PACSIN2: variants seen among roughly 807,000 people sequenced by gnomAD.
The protein encoded by PACSIN2 is protein kinase C and casein kinase substrate in neurons protein 2.
A neutral mutation model predicts 63.8 loss-of-function variants in PACSIN2; 25 were observed. The observed-to-expected ratio is 0.39, with a 90% CI of 0.29 to 0.55. The LOEUF (loss-of-function observed/expected upper bound fraction) is 0.55. PACSIN2 is among the 20% of genes least tolerant of loss of function. PACSIN2 has a pLI of 0.62. For synonymous variants in PACSIN2, 255 were observed against 256.2 expected, an observed-to-expected ratio of 1.00 and a Z score of 0.05; for missense variants, 518 against 646.9, an observed-to-expected ratio of 0.80 and a Z score of 2.16.
chr22:42,945,961 C>T (rs1186886054), intron 1 of PACSIN2: 1 of 152,994 alleles, frequency 6.5e-6, no homozygotes, highest in Non-Finnish European at 1.5e-5. Flanking sequence ...CTCCTCCAGC[C>T]TCACCACTCA....
At chr22:43,004,708 G>T (rs1009295367) in intron 1 of PACSIN2, among the ~76,000 whole-genome samples, 11 of 152,194 alleles carry the variant, frequency 7.2e-5, no homozygotes, top group Non-Finnish European at 1.5e-4. Flanking sequence ...TTTACATTAA[G>T]AAGATTTCAT....
intron 4 of PACSIN2, among the ~76,000 whole-genome samples, chr22:42,889,041 T>C (rs887219515): frequency 1.3e-5 from 2 of 152,220 alleles, no homozygotes; most frequent in Non-Finnish European, 2.9e-5. Context: ...ACACAAGGTC[T>C]TTGTGAAGCT....
intron 2 of PACSIN2, among the ~76,000 whole-genome samples, chr22:42,898,184 G>A (rs1320820484): frequency 6.6e-6 from 1 of 152,136 alleles, no homozygotes. Flanking sequence ...AAGGTCGTGG[G>A]AATCCCTGGC....
At chr22:42,974,761 A>G (rs542448893) in intron 1 of PACSIN2, among the ~76,000 whole-genome samples, 41 of 151,482 alleles carry the variant, frequency 2.7e-4, no homozygotes, top group South Asian at 2.1e-3. Context: ...AAAAAAAAAA[A>G]AAAAGAAAAG....
chr22:42,907,512 G>A (rs557206272), intron 2 of PACSIN2, among the ~76,000 whole-genome samples: 7 of 152,358 alleles, frequency 4.6e-5, no homozygotes, highest in East Asian at 1.9e-4. Context: ...AAGCTGATGC[G>A]CACCCTGTCC....
In PACSIN2 at chr22:42,985,819, G is replaced by A. The variant is rs1601605147; in HGVS notation, c.-78+29202C>T. On this transcript the variant is annotated intron_variant, in intron 1 of 10. Coordinates refer to ENST00000263246, the MANE Select transcript of PACSIN2 (RefSeq NM_001184970.3). ...AACCCCTCCCCATGCAGGAATCACT[G>A]AGCAAAACCCAGGTTCTCCACAGTC... 2.0e-5 allele frequency among the ~76,000 whole-genome samples: 3 copies of A among 152,282 alleles called. No individual in the cohort carries two copies. The Middle Eastern group carries it at 0.01, about 518-fold the overall frequency.
intron 1 of PACSIN2, among the ~76,000 whole-genome samples, chr22:42,965,039 T>A (rs1045020187): frequency 6.6e-6 from 1 of 152,168 alleles, no homozygotes. Context: ...CACATCTCTA[T>A]AGAGGACATC....
At chr22:42,877,193 G>A (rs1020896268) in intron 8 of PACSIN2, among the ~76,000 whole-genome samples, 183 bp from the exon 9 acceptor site, 2 of 152,172 alleles carry the variant, frequency 1.3e-5, no homozygotes, top group Non-Finnish European at 2.9e-5. Context: ...TGTGAAACAC[G>A]GTCCAGGAGC....
rs535099597 is a variant in PACSIN2 at position 42,896,171 on chromosome 22, C to G, written c.61-2558G>C. Among the ~76,000 whole-genome samples the G allele has an allele frequency of 6.6e-5, 10 of 152,282 alleles. 1 individual carries two copies. The South Asian group carries it at 2.1e-3, about 32-fold the overall frequency. The stretch of plus-strand genomic sequence containing the variant: ...GAAGTGCCTTTGTGCCCCCTTGCAG[C>G]CCATCCCCTCCCCATACAGCCCCCA... On this transcript the variant is annotated intron_variant, in intron 2 of 10. Coordinates refer to ENST00000263246, the MANE Select transcript of PACSIN2 (RefSeq NM_001184970.3).
intron 1 of PACSIN2, among the ~76,000 whole-genome samples, chr22:42,984,513 T>G (rs1328559005): frequency 6.6e-6 from 1 of 152,030 alleles, no homozygotes; most frequent in Non-Finnish European, 1.5e-5. Flanking sequence ...GGAGATGAGG[T>G]GAAAACCCAC....
intron 1 of PACSIN2, among the ~76,000 whole-genome samples, chr22:42,978,015 C>T (rs74630180): frequency 0.029 from 4,405 of 152,268 alleles, 97 homozygotes; most frequent in African/African-American, 0.036. Context: ...AAGACTAGAG[C>T]AATTCAGTGT....
At chr22:42,914,349 C>T (rs1931669621) in intron 1 of PACSIN2, among the ~76,000 whole-genome samples, 1 of 152,244 alleles carries the variant, frequency 6.6e-6, no homozygotes. Flanking sequence ...TCTAGTGCCT[C>T]AGCCTCCCCA....
chr22:42,933,694 C>A (rs1359108802), intron 1 of PACSIN2, among the ~76,000 whole-genome samples: 1 of 152,216 alleles, frequency 6.6e-6, no homozygotes, highest in East Asian at 1.9e-4. Flanking sequence ...GCCCCCGCAC[C>A]CTGCACCGTC....
intron 1 of PACSIN2, among the ~76,000 whole-genome samples, chr22:42,994,440 T>C (rs1923261032): frequency 6.6e-6 from 1 of 152,026 alleles, no homozygotes; most frequent in Non-Finnish European, 1.5e-5. Flanking sequence ...CGGGCGTGCT[T>C]ATGGGGACAC....
intron 1 of PACSIN2, among the ~76,000 whole-genome samples, chr22:42,963,624 C>T (rs375987232): frequency 2.6e-5 from 4 of 152,152 alleles, no homozygotes; most frequent in African/African-American, 9.7e-5. Context: ...AAGATAGGTA[C>T]TCCTAGCCCT....
chr22:42,915,347 C>A (rs916561472), intron 1 of PACSIN2, among the ~76,000 whole-genome samples: 1 of 152,188 alleles, frequency 6.6e-6, no homozygotes, highest in African/African-American at 2.4e-5. Flanking sequence ...AAGGAGCAAC[C>A]AGCAAGGGGA....
intron 1 of PACSIN2, among the ~76,000 whole-genome samples, chr22:42,986,581 G>T (rs1208081362): frequency 1.3e-5 from 2 of 152,142 alleles, no homozygotes; most frequent in African/African-American, 4.8e-5. Flanking sequence ...ATGCATGACA[G>T]TGACACTCTA....
chr22:42,914,276 G>C (rs189608918), intron 1 of PACSIN2, among the ~76,000 whole-genome samples: 1 of 152,074 alleles, frequency 6.6e-6, no homozygotes. Flanking sequence ...TCTGTTGCCC[G>C]GGCTGGAGTG....
intron 1 of PACSIN2, among the ~76,000 whole-genome samples, chr22:42,975,453 T>C (rs1921623591): frequency 7.8e-6 from 1 of 127,486 alleles, no homozygotes; most frequent in South Asian, 2.6e-4. Context: ...AAAAAATATA[T>C]ACAAATATAT....
Sources: allele counts gnomAD v4.1 joint callset (sites outside exome capture counted in the v4.1 genomes callset), GRCh38; gene constraint gnomAD v4.1.1; transcripts MANE v1.5; gene names NCBI Gene and HGNC (gene_info 2026-07-23, HGNC 2026-07-21).